The following ARHGAP42 variants were observed in gnomAD, a reference collection of about 807,000 sequenced individuals.
ARHGAP42 encodes rho GTPase-activating protein 42.
In ARHGAP42, 63 loss-of-function variants were observed where a neutral mutation model predicts 125.0. The observed-to-expected ratio is 0.50, with a 90% confidence interval of 0.41 to 0.62. ARHGAP42 has a LOEUF of 0.62. ARHGAP42 is among the 20% of genes least tolerant of loss of function. ARHGAP42 has a pLI of 0.00. For missense variants in ARHGAP42, 766 were observed against 1,024.2 expected, an observed-to-expected ratio of 0.75 and a Z score of 3.44; for synonymous variants, 339 against 351.0, an observed-to-expected ratio of 0.97 and a Z score of 0.38.
intron 16 of ARHGAP42, among the ~76,000 whole-genome samples, chr11:100,964,944 T>C (rs1296329682): frequency 6.6e-6 from 1 of 152,082 alleles, no homozygotes; most frequent in African/African-American, 2.4e-5. Flanking sequence ...TGAAGAAATA[T>C]CCAAGACTCA....
At chr11:100,773,952 A>G (rs953121775) in intron 2 of ARHGAP42, among the ~76,000 whole-genome samples, 1 of 152,188 alleles carries the variant, frequency 6.6e-6, no homozygotes, top group Non-Finnish European at 1.5e-5. Context: ...AACCCTTTGC[A>G]CTCGGAATCT....
At chr11:100,727,374 T>C (rs1354537376) in intron 1 of ARHGAP42, among the ~76,000 whole-genome samples, 1 of 152,228 alleles carries the variant, frequency 6.6e-6, no homozygotes, top group African/African-American at 2.4e-5. Flanking sequence ...TGGTTTTGAC[T>C]CTTGTTTCTG....
rs1867895646 is a variant in ARHGAP42, at chr11:100,941,849, A to G, written c.898A>G (p.Met300Val). The change falls in exon 9 of 24, where the codon ATG becomes GTG. Residue 300 changes from methionine to valine, a missense_variant. By Grantham distance (21) the Met-to-Val change is conservative (BLOSUM62 1). Transcript: ENST00000298815. ...TYDKGSKTFTMSVSEMKSSGK... is the reference protein window; with the variant it reads ...TYDKGSKTFTVSVSEMKSSGK... ...TGATAAGGGAAGTAAAACATTTACAATGAGTGTTTCAGAAATGAAATCCAG... is the reference window on the plus strand; with the variant it reads ...TGATAAGGGAAGTAAAACATTTACAGTGAGTGTTTCAGAAATGAAATCCAG... 4.5e-6 allele frequency: 7 copies of G among 1,539,060 alleles called. No homozygotes were observed. Among genetic ancestry groups the G allele is most frequent in the South Asian group, 1.2e-5 (1 of 80,574 alleles).
chr11:100,806,926 C>T (rs917520567), intron 3 of ARHGAP42, among the ~76,000 whole-genome samples: 1 of 151,958 alleles, frequency 6.6e-6, no homozygotes, highest in Admixed American at 6.5e-5. Context: ...TGGCTCACTG[C>T]AACCTCTGCC....
At chr11:100,900,918 G>A (rs748220628) in intron 4 of ARHGAP42, among the ~76,000 whole-genome samples, 6 of 152,114 alleles carry the variant, frequency 3.9e-5, no homozygotes, top group Admixed American at 2.0e-4. Flanking sequence ...TCTCTGTCCA[G>A]CTTTGTTCCA....
intron 1 of ARHGAP42, among the ~76,000 whole-genome samples, chr11:100,700,729 T>C (rs1333241286): frequency 1.3e-5 from 2 of 152,240 alleles, no homozygotes; most frequent in East Asian, 1.9e-4. Flanking sequence ...CTTCTCTTGC[T>C]ATTGCCATCA....
At chr11:100,817,085 A>G (rs1430304988) in intron 3 of ARHGAP42, among the ~76,000 whole-genome samples, 1 of 152,170 alleles carries the variant, frequency 6.6e-6, no homozygotes, top group Non-Finnish European at 1.5e-5. Context: ...TCCGGAATAC[A>G]ATTCATTTCC....
chr11:100,968,315 A>G (rs961711853), intron 17 of ARHGAP42, among the ~76,000 whole-genome samples: 3 of 151,896 alleles, frequency 2.0e-5, no homozygotes, highest in African/African-American at 7.3e-5. Context: ...ATGTGGTTGG[A>G]CCTATATCTA....
rs1555111080 is a variant in ARHGAP42 at position 100,728,755 on chromosome 11, T to TAC, written c.154+40924_154+40925insCA. Among the ~76,000 whole-genome samples, 100 of 108,732 alleles carry TAC rather than the reference T, an allele frequency of 9.2e-4. 1 individual carries two copies. Among genetic ancestry groups the TAC allele is most frequent in the Non-Finnish European group, 1.5e-3 (76 of 49,806 alleles). The allele number at this position is 108,732 out of a possible 152,430, so 71.3% of individuals were successfully genotyped here. A position where few individuals can be genotyped will look rare whatever the true frequency, so the allele number is the denominator to read the frequency against. ...ATATATATATATATATATATATATA[T>TAC]ATGCACACTTTTCTTTTTTAATTTT... On this transcript the variant is annotated intron_variant, in intron 1 of 23. Coordinates refer to ENST00000298815, the MANE Select transcript of ARHGAP42 (RefSeq NM_152432.4).
chr11:100,798,993 G>A (rs537986523), intron 3 of ARHGAP42, among the ~76,000 whole-genome samples: 1 of 152,348 alleles, frequency 6.6e-6, no homozygotes, highest in East Asian at 1.9e-4. Flanking sequence ...GTGGGAGACA[G>A]TTCTGTATAA....
At chr11:100,947,079 A>G (rs1334362442) in intron 10 of ARHGAP42, among the ~76,000 whole-genome samples, 1 of 151,954 alleles carries the variant, frequency 6.6e-6, no homozygotes, top group African/African-American at 2.4e-5. Flanking sequence ...TTCTCAAAAT[A>G]TCTTTTGGGA....
At position 100,992,924 on chromosome 11, in the gene ARHGAP42, A is replaced by G. The variant is rs529757842; in HGVS notation, c.*4123A>G. ...TTTCCCCTTGGCACTCATGAGAGAG[A>G]TGCCAAGTTCAGTGTGGATTTTTCT... On this transcript the variant is annotated 3_prime_UTR_variant, in exon 24 of 24. Coordinates refer to ENST00000298815, the MANE Select transcript of ARHGAP42 (RefSeq NM_152432.4). The G allele has an allele frequency of 1.3e-4, 67 of 500,912 alleles. No homozygotes were observed. The highest frequency in any genetic ancestry group is 2.1e-4 in the Non-Finnish European group (60 of 280,384). The allele number at this position is 500,912 out of a possible 1,614,324, so 31.0% of individuals were successfully genotyped here. A position where few individuals can be genotyped will look rare whatever the true frequency, so the allele number is the denominator to read the frequency against.
intron 1 of ARHGAP42, among the ~76,000 whole-genome samples, chr11:100,699,504 A>G (rs1404201826): frequency 3.0e-5 from 1 of 33,568 alleles, no homozygotes; most frequent in East Asian, 2.1e-3. Flanking sequence ...ATATATATAT[A>G]TATTTTTTTT....
chr11:100,934,418 T>A (rs611591), intron 7 of ARHGAP42, among the ~76,000 whole-genome samples: 133,644 of 151,942 alleles, frequency 0.88, 58,867 homozygotes, highest in East Asian at 1. Flanking sequence ...AAATAAAAAA[T>A]TTTTTAAAAG....
At chr11:100,763,208 C>T (rs1180014077) in intron 1 of ARHGAP42, among the ~76,000 whole-genome samples, 1 of 151,302 alleles carries the variant, frequency 6.6e-6, no homozygotes, top group South Asian at 2.1e-4. Flanking sequence ...CTTGAATTTC[C>T]GACCTCAGGT....
At chr11:100,805,009 A>T (rs1863955904) in intron 3 of ARHGAP42, among the ~76,000 whole-genome samples, 1 of 152,240 alleles carries the variant, frequency 6.6e-6, no homozygotes, top group Admixed American at 6.5e-5. Flanking sequence ...ACTGCTTTAG[A>T]TGATGATAGC....
intron 4 of ARHGAP42, among the ~76,000 whole-genome samples, chr11:100,882,761 A>T (rs946277284): frequency 6.6e-6 from 1 of 151,958 alleles, no homozygotes; most frequent in Non-Finnish European, 1.5e-5. Context: ...TTACCATTTC[A>T]ATCTTGCTGC....
chr11:100,714,523 G>A (rs1861621152), intron 1 of ARHGAP42, among the ~76,000 whole-genome samples: 1 of 152,012 alleles, frequency 6.6e-6, no homozygotes, highest in Admixed American at 6.6e-5. Flanking sequence ...CAATGGGAAA[G>A]GACTTCCGAA....
chr11:100,852,361 G>T (rs1415279190), intron 3 of ARHGAP42, among the ~76,000 whole-genome samples: 1 of 152,018 alleles, frequency 6.6e-6, no homozygotes, highest in Admixed American at 6.6e-5. Context: ...CATTTTATTT[G>T]CTTTTAAACT....
Sources: allele counts gnomAD v4.1 joint callset (sites outside exome capture counted in the v4.1 genomes callset), GRCh38; gene constraint gnomAD v4.1.1; transcripts MANE v1.5; gene names NCBI Gene and HGNC (gene_info 2026-07-23, HGNC 2026-07-21).